Variants in ZNF827 observed in about 807,000 individuals in gnomAD.
ZNF827 encodes zinc finger protein 827.
Under a neutral mutation model 102.4 loss-of-function variants are expected in ZNF827, and 13 were observed. The ratio of observed to expected loss-of-function variants is 0.13; its 90% CI spans 0.08 to 0.20. ZNF827 has a LOEUF of 0.20. Among genes scored for constraint, ZNF827 ranks in the 10% least tolerant of loss-of-function variants. The pLI, the probability that ZNF827 is intolerant of heterozygous loss-of-function variation, is 1.00. For missense variants in ZNF827, 1,103 were observed against 1,344.4 expected, an observed-to-expected ratio of 0.82 and a Z score of 2.81; for synonymous variants, 523 against 536.2, an observed-to-expected ratio of 0.98 and a Z score of 0.34.
At chr4:145,768,605 A>G (rs13111951) in intron 11 of ZNF827, among the ~76,000 whole-genome samples, 47,780 of 151,450 alleles carry the variant, frequency 0.32, 9,443 homozygotes, top group Non-Finnish European at 0.45. Context: ...AGGTTAGGGG[A>G]GAAAATATAG....
At chr4:145,936,925 G>C (rs536683643) in intron 1 of ZNF827, among the ~76,000 whole-genome samples, 2 of 151,772 alleles carry the variant, frequency 1.3e-5, no homozygotes, top group African/African-American at 2.4e-5. Context: ...TGGGGGGAGA[G>C]AAGAGAAATT....
chr4:145,899,450 TAAC>T (rs1403583021), intron 2 of ZNF827, among the ~76,000 whole-genome samples: 1 of 152,012 alleles, frequency 6.6e-6, no homozygotes, highest in African/African-American at 2.4e-5. Context: ...CAAAGACAAA[TAAC>T]AAAATTAGAT....
rs988750446 is a variant in ZNF827, at chr4:145,902,225, G to A, written c.1034C>T (p.Ser345Phe). 5.5e-6 allele frequency: 8 copies of A among 1,449,942 alleles called. No individual in the cohort carries two copies. The highest frequency in any genetic ancestry group is 6.6e-6 in the Non-Finnish European group (7 of 1,065,276). The allele number at this position is 1,449,942 out of a possible 1,614,324, so 89.8% of individuals were successfully genotyped here. A position where few individuals can be genotyped will look rare whatever the true frequency, so the allele number is the denominator to read the frequency against. ...PPPPPPPPPQSLELLLLPVPK... is the reference protein window; with the variant it reads ...PPPPPPPPPQFLELLLLPVPK... ...AACTGGGAGTAATAATAATTCCAGG[G>A]ATTGTGGTGGTGGTGGTGGAGGTGG... Residue 345 changes from serine (S) to phenylalanine (F), a missense_variant, in exon 2 of 15, where the codon TCC (serine) becomes TTC (phenylalanine). Around this residue, in one of 5 missense-constraint regions of ZNF827, gnomAD observed 441 missense variants for 458.6 expected, o/e 0.96. Coordinates refer to ENST00000508784, the MANE Select transcript of ZNF827 (RefSeq NM_001306215.2). This position sits in a 1 kb window ranked among gnomAD's most constrained non-coding sequence, Gnocchi z 4.3.
intron 13 of ZNF827, chr4:145,764,751 G>C (rs1230151531): frequency 5.4e-6 from 3 of 553,522 alleles, no homozygotes; most frequent in Non-Finnish European, 9.7e-6. Context: ...CTTTTTTCTT[G>C]CCCTGAATCC....
chr4:145,795,163 T>C lies in ZNF827; in HGVS notation c.2384-15652A>G, dbSNP rs191904555. Among the ~76,000 whole-genome samples the C allele has an allele frequency of 4.1e-3, 632 of 152,316 alleles. 17 individuals carry two copies. Among genetic ancestry groups the C allele is most frequent in the Admixed American group, 0.037 (568 of 15,302 alleles). ...TTTTTGTTTTGTTTTGTTTTTTGTTTTTGAGACTAAGTCTCACTCCCTCGC... is the reference window on the plus strand; with the variant it reads ...TTTTTGTTTTGTTTTGTTTTTTGTTCTTGAGACTAAGTCTCACTCCCTCGC... On this transcript the variant is annotated intron_variant, in intron 8 of 14. Transcript: ENST00000508784.
chr4:145,866,121 C>G (rs563069054), intron 5 of ZNF827, among the ~76,000 whole-genome samples: 1 of 152,258 alleles, frequency 6.6e-6, no homozygotes, highest in South Asian at 2.1e-4. Context: ...CGGTGGAAAA[C>G]CAAGGCCCCA....
chr4:145,873,795 C>T (rs1468708186), intron 4 of ZNF827, among the ~76,000 whole-genome samples: 1 of 152,178 alleles, frequency 6.6e-6, no homozygotes, highest in Non-Finnish European at 1.5e-5. Context: ...CTAAAGCTTG[C>T]TCTCTCCCAA....
chr4:145,826,720 A>G (rs754271999), intron 7 of ZNF827, among the ~76,000 whole-genome samples: 12 of 152,208 alleles, frequency 7.9e-5, no homozygotes, highest in Non-Finnish European at 1.8e-4. Flanking sequence ...GTTCAGTACT[A>G]TCTGAGGTTT....
chr4:145,817,248 G>A (rs1393443637), intron 8 of ZNF827, among the ~76,000 whole-genome samples: 1 of 152,106 alleles, frequency 6.6e-6, no homozygotes, highest in African/African-American at 2.4e-5. Context: ...TTCACTGTAG[G>A]TGGGAGAATT....
chr4:145,892,511 A>G (rs958547849), intron 2 of ZNF827, 96 bp from the exon 3 acceptor site: 6 of 1,305,574 alleles, frequency 4.6e-6, no homozygotes, highest in Admixed American at 5.3e-5. Flanking sequence ...AAAAGCACTA[A>G]AAATGATTTG....
At chr4:145,842,469 C>T (rs1745516396) in intron 7 of ZNF827, among the ~76,000 whole-genome samples, 1 of 152,218 alleles carries the variant, frequency 6.6e-6, no homozygotes, top group Non-Finnish European at 1.5e-5. Context: ...TGCCAAGCTA[C>T]AGAGTGTTTC....
chr4:145,781,463 T>C (rs1201816096), intron 8 of ZNF827, among the ~76,000 whole-genome samples: 3 of 152,246 alleles, frequency 2.0e-5, no homozygotes, highest in East Asian at 3.9e-4. Context: ...ATTGCAATAA[T>C]GTTCGCTGTG....
intron 2 of ZNF827, among the ~76,000 whole-genome samples, chr4:145,896,498 A>C (rs1235720515): frequency 6.6e-6 from 1 of 152,212 alleles, no homozygotes; most frequent in Non-Finnish European, 1.5e-5. Flanking sequence ...TCCAGCCCCC[A>C]AACAATGCCA....
At chr4:145,808,619 A>C (rs1741722234) in intron 8 of ZNF827, among the ~76,000 whole-genome samples, 2 of 152,234 alleles carry the variant, frequency 1.3e-5, no homozygotes, top group Admixed American at 1.3e-4. Context: ...ATAAACGCAG[A>C]ACATTCAAAT....
chr4:145,872,687 GC>G (rs1371798885), intron 4 of ZNF827, among the ~76,000 whole-genome samples: 1 of 151,844 alleles, frequency 6.6e-6, no homozygotes, highest in East Asian at 2.0e-4. Context: ...GACCAGCCTG[GC>G]CAACATGGTG....
At chr4:145,891,611 T>A (rs1350433176) in intron 3 of ZNF827, among the ~76,000 whole-genome samples, 1 of 152,182 alleles carries the variant, frequency 6.6e-6, no homozygotes, top group Non-Finnish European at 1.5e-5. Context: ...CTTGGATGTT[T>A]GGTAAATGTA....
At chr4:145,849,598 CCAT>C in intron 5 of ZNF827, 37 bp from the exon 6 acceptor site, 1 of 1,609,934 alleles carries the variant, frequency 6.2e-7, no homozygotes, top group Non-Finnish European at 8.5e-7. Context: ...AAAAACACCA[CCAT>C]TTCTTAATTC....
intron 1 of ZNF827, among the ~76,000 whole-genome samples, chr4:145,917,700 CAAAA>C (rs763617063): frequency 2.1e-5 from 1 of 46,854 alleles, no homozygotes; most frequent in Non-Finnish European, 4.0e-5. Context: ...GGTAGCTGGT[CAAAA>C]AAAAAAAAAA....
intron 5 of ZNF827, among the ~76,000 whole-genome samples, chr4:145,850,771 TG>T (rs1225247985): frequency 1.3e-5 from 2 of 152,212 alleles, no homozygotes; most frequent in African/African-American, 4.8e-5. Flanking sequence ...AAGAGGATTT[TG>T]ATAGTTGAAC....
Sources: gnomAD v4.1 joint callset for allele counts (sites outside exome capture counted in the v4.1 genomes callset) on GRCh38, gnomAD v4.1.1 for gene constraint, gnomAD v4.1.1 regional missense constraint, Gnocchi (gnomAD v3.1) non-coding constraint, MANE v1.5 for transcripts, NCBI Gene and HGNC (gene_info 2026-07-23, HGNC 2026-07-21) for gene names.